FAM228B: variants seen among roughly 807,000 people sequenced by gnomAD.
FAM228B encodes the protein family with sequence similarity 228 member B, also known as protein FAM228B.
A neutral mutation model predicts 42.6 loss-of-function variants in FAM228B; 38 were observed. That is an observed-to-expected ratio of 0.89 (90% confidence interval 0.69 to 1.17). The LOEUF (loss-of-function observed/expected upper bound fraction) is 1.17. Among genes scored for constraint, FAM228B ranks in the 50% most tolerant of loss-of-function variants. The probability of loss-of-function intolerance (pLI) is 0.00; values close to 1 mark genes in which losing one functional copy is unlikely to be tolerated. For synonymous variants in FAM228B, 109 were observed against 122.3 expected, an observed-to-expected ratio of 0.89 and a Z score of 0.72; for missense variants, 344 against 367.3, an observed-to-expected ratio of 0.94 and a Z score of 0.52.
intron 2 of FAM228B, among the ~76,000 whole-genome samples, chr2:24,087,974 C>T (rs1046169133): frequency 6.6e-6 from 1 of 152,024 alleles, no homozygotes; most frequent in African/African-American, 2.4e-5. Context: ...AACTCCTGAG[C>T]TTAGGCAATC....
Position 24,080,605 on chromosome 2 carries a change from C to T in FAM228B, c.-289-271C>T. The T allele has an allele frequency of 4.9e-6, 3 of 611,892 alleles. No individual in the cohort carries two copies. The highest frequency in any genetic ancestry group is 5.7e-5 in the East Asian group (2 of 35,082). 37.9% of individuals were successfully genotyped at this position (611,892 alleles called of 1,614,324 possible). Reference sequence around the variant, plus strand: ...GGTCTAAAGTGTGGATGAATCTTATCTCTTGCAAGAATGCACATGGAAACC... The same window carrying T: ...GGTCTAAAGTGTGGATGAATCTTATTTCTTGCAAGAATGCACATGGAAACC... On this transcript the variant is annotated intron_variant, in intron 1 of 10. Transcript: ENST00000613899. This position sits in a 1 kb window ranked among gnomAD's most constrained non-coding sequence, Gnocchi z 4.7.
At chr2:24,143,996 CAA>C (rs59639444) in intron 5 of FAM228B, among the ~76,000 whole-genome samples, 11 of 129,284 alleles carry the variant, frequency 8.5e-5, no homozygotes, top group Middle Eastern at 4.2e-3. Flanking sequence ...CAGCAGTCTC[CAA>C]AAAAAAAAAA....
chr2:24,148,397 A>G (rs1282356484), intron 7 of FAM228B, among the ~76,000 whole-genome samples: 1 of 152,134 alleles, frequency 6.6e-6, no homozygotes, highest in Non-Finnish European at 1.5e-5. Context: ...GACAAGCCCT[A>G]TGTGCTTAGG....
At chr2:24,132,825 A>G (rs921054536) in intron 2 of FAM228B, among the ~76,000 whole-genome samples, 1 of 151,960 alleles carries the variant, frequency 6.6e-6, no homozygotes, top group African/African-American at 2.4e-5. Context: ...TCTTTGCTGA[A>G]CTCAATCTCC....
At chr2:24,162,350 T>C (rs1309624073) in intron 8 of FAM228B, among the ~76,000 whole-genome samples, 1 of 152,176 alleles carries the variant, frequency 6.6e-6, no homozygotes, top group African/African-American at 2.4e-5. Flanking sequence ...TATCAAATAC[T>C]ATGTATATAA....
chr2:24,133,556 A>G (rs1666506825), intron 2 of FAM228B, among the ~76,000 whole-genome samples: 1 of 152,200 alleles, frequency 6.6e-6, no homozygotes, highest in Admixed American at 6.5e-5. Context: ...TTTTATTTGT[A>G]TGTAATTACA....
chr2:24,164,772 C>T (rs1183886346), intron 9 of FAM228B, among the ~76,000 whole-genome samples: 1 of 152,116 alleles, frequency 6.6e-6, no homozygotes, highest in Non-Finnish European at 1.5e-5. Flanking sequence ...TCAAAAGGAC[C>T]AATACTAAAT....
intron 2 of FAM228B, among the ~76,000 whole-genome samples, chr2:24,094,183 C>A (rs1665451180): frequency 6.6e-6 from 1 of 151,710 alleles, no homozygotes; most frequent in African/African-American, 2.4e-5. Context: ...GGGCCTTGGC[C>A]TCCCGAGTAG....
rs70944720 is a variant in FAM228B, at chr2:24,155,531, A to ATTTTTTT, written c.687-5955_687-5949dup. Among the ~76,000 whole-genome samples the ATTTTTTT allele has an allele frequency of 1.5e-3, 19 of 13,042 alleles. 1 individual carries two copies. The highest frequency in any genetic ancestry group is 2.5e-3 in the Admixed American group (2 of 806). 8.6% of individuals were successfully genotyped at this position (13,042 alleles called of 152,430 possible). A position where few individuals can be genotyped will look rare whatever the true frequency, so the allele number is the denominator to read the frequency against. On this transcript the variant is annotated intron_variant, in intron 7 of 10. Transcript: ENST00000615575. ...TATATATATATATATATATATATAT[A>ATTTTTTT]TTTTTTTTTTTTTTTTTTTTTTTTT...
rs797010537 is a variant in FAM228B, at chr2:24,103,313, A to G, written c.-121+8084A>G. On this transcript the variant is annotated intron_variant, in intron 3 of 10. Transcript: ENST00000613899. ...TCCTCAACTACAGCAGATCTTTTTC[A>G]GGAAAGTACGTATGGAAGTTGAGAA... Among the ~76,000 whole-genome samples, 9 of 152,336 alleles carry G rather than the reference A, an allele frequency of 5.9e-5. 1 individual carries two copies. The highest frequency in any genetic ancestry group is 2.2e-4 in the African/African-American group (9 of 41,578).
At chr2:24,135,983 T>G (rs1456508119) in intron 3 of FAM228B, among the ~76,000 whole-genome samples, 9 of 151,276 alleles carry the variant, frequency 5.9e-5, no homozygotes, top group East Asian at 3.9e-4. Flanking sequence ...AGGGTTTTTT[T>G]TTTTTTTTTT....
chr2:24,158,521 G>A (rs555546006), intron 7 of FAM228B, among the ~76,000 whole-genome samples: 1 of 152,260 alleles, frequency 6.6e-6, no homozygotes, highest in East Asian at 1.9e-4. Flanking sequence ...GAGGATAGCT[G>A]AGGAGGGGGT....
intron 7 of FAM228B, 106 bp downstream of exon 7, chr2:24,147,192 C>CTT: frequency 1.2e-6 from 1 of 812,648 alleles, no homozygotes; most frequent in Non-Finnish European, 1.8e-6. Context: ...TATCATTTTT[C>CTT]TTTTTTTTTG....
chr2:24,098,771 A>G (rs1161023425), intron 3 of FAM228B, among the ~76,000 whole-genome samples: 1 of 152,236 alleles, frequency 6.6e-6, no homozygotes, highest in Admixed American at 6.5e-5. Flanking sequence ...AATCCTCCCT[A>G]ACTCATTTCA....
intron 9 of FAM228B, 32 bp from the exon 10 acceptor site, chr2:24,167,595 C>T (rs1667455524): frequency 2.2e-5 from 34 of 1,551,166 alleles, no homozygotes; most frequent in Non-Finnish European, 2.9e-5. Context: ...TCTCGTATAA[C>T]ATAATGACCA....
intron 2 of FAM228B, among the ~76,000 whole-genome samples, chr2:24,083,739 G>A (rs1466141516): frequency 2.6e-5 from 4 of 152,088 alleles, no homozygotes; most frequent in Non-Finnish European, 5.9e-5. Flanking sequence ...TGTCAGCTCC[G>A]GGACTCTCAG....
At chr2:24,083,842 G>A (rs1379971692) in intron 2 of FAM228B, among the ~76,000 whole-genome samples, 1 of 152,136 alleles carries the variant, frequency 6.6e-6, no homozygotes, top group African/African-American at 2.4e-5. Context: ...TGGGCGTACT[G>A]CTTAACCTCA....
chr2:24,168,043 C>CA (rs1019127668), intron 10 of FAM228B: 107 of 247,436 alleles, frequency 4.3e-4, no homozygotes, highest in African/African-American at 2.3e-3. Context: ...CACTTAGGAA[C>CA]ATAGCCTCTA....
chr2:24,079,215 G>A (rs1435545470), intron 1 of FAM228B: 4 of 530,190 alleles, frequency 7.5e-6, no homozygotes, highest in South Asian at 2.7e-5. Context: ...AGAATGTTCA[G>A]ATAACCTGTG....
Sources: allele counts gnomAD v4.1 joint callset (sites outside exome capture counted in the v4.1 genomes callset), GRCh38; gene constraint gnomAD v4.1.1; non-coding constraint Gnocchi (gnomAD v3.1); transcripts MANE v1.5; gene names NCBI Gene and HGNC (gene_info 2026-07-23, HGNC 2026-07-21).